SOX5: variants seen among roughly 807,000 people sequenced by gnomAD.
The protein encoded by SOX5 is SRY-box transcription factor 5.
SOX5 carries 9 observed loss-of-function variants against 92.0 expected under a neutral mutation model. The observed-to-expected ratio is 0.10, with a 90% CI of 0.06 to 0.17. The LOEUF (loss-of-function observed/expected upper bound fraction) is 0.17. Ranked by LOEUF, SOX5 falls within the 10% of genes least tolerant of loss-of-function variation. The pLI, the probability that SOX5 is intolerant of heterozygous loss-of-function variation, is 1.00. For synonymous variants in SOX5, 344 were observed against 336.3 expected (o/e 1.02, Z -0.25); for missense variants, 642 against 944.5 (o/e 0.68, Z 4.20).
chr12:24,446,128 A>G (rs1941433344), intron 1 of SOX5, among the ~76,000 whole-genome samples: 1 of 152,236 alleles, frequency 6.6e-6, no homozygotes, highest in African/African-American at 2.4e-5. Context: ...AGACACAGCT[A>G]TGAACAAGAG....
intron 4 of SOX5, among the ~76,000 whole-genome samples, chr12:24,181,700 G>C (rs1955515446): frequency 6.6e-6 from 1 of 152,074 alleles, no homozygotes; most frequent in African/African-American, 2.4e-5. Context: ...TATTGTTATT[G>C]TTGTTTTTCT....
rs530379979 is a variant in SOX5, at chr12:24,071,954, T to G, written c.-2+141389A>C. Among the ~76,000 whole-genome samples the G allele has an allele frequency of 2.6e-5, 4 of 152,336 alleles. No homozygotes were observed. In the East Asian group the frequency reaches 5.8e-4, roughly 22 times the overall value. On this transcript the variant is annotated intron_variant, in intron 4 of 4. Coordinates refer to the SOX5 transcript ENST00000446891. ...AATCTTAGACATTAGTTGATCCCTT[T>G]TCCTCATTTTAAAGATGAGTAAACC... is the stretch of plus-strand genomic sequence containing the variant.
chr12:24,547,881 C>A lies in SOX5; in HGVS notation c.-251+14448G>T, dbSNP rs1952797211. Among the ~76,000 whole-genome samples the A allele has an allele frequency of 2.6e-5, 4 of 152,162 alleles. No individual in the cohort carries two copies. The South Asian group carries it at 8.3e-4, about 32-fold the overall frequency. On this transcript the variant is annotated intron_variant, in intron 1 of 4. Transcript: ENST00000446891. ...TTTATACAGTGTTCGTATCCCCTGG[C>A]AGAAATGAGACTTAAATTCAAATCT...
intron 1 of SOX5, among the ~76,000 whole-genome samples, chr12:23,916,909 G>A (rs957445779): frequency 1.3e-5 from 2 of 151,980 alleles, no homozygotes; most frequent in Non-Finnish European, 2.9e-5. Context: ...AAAACTAACC[G>A]TTAAAATTTT....
Position 23,742,404 on chromosome 12 carries a change from G to T in SOX5, c.569-1365C>A, listed in dbSNP as rs140982672. Reference sequence around the variant, plus strand: ...TTATTCAAGGCAGGTAGTCAATAATGTGTTGCTAATAATTTATTATATCTC... The same window carrying T: ...TTATTCAAGGCAGGTAGTCAATAATTTGTTGCTAATAATTTATTATATCTC... On this transcript the variant is annotated intron_variant, in intron 4 of 14. Coordinates refer to ENST00000451604, the MANE Select transcript of SOX5 (RefSeq NM_006940.6). 1.6e-3 allele frequency among the ~76,000 whole-genome samples: 242 copies of T among 152,224 alleles called. 1 individual carries two copies. The highest frequency in any genetic ancestry group is 5.5e-3 in the African/African-American group (230 of 41,540).
chr12:24,112,581 A>AATG (rs1947498461), intron 4 of SOX5, among the ~76,000 whole-genome samples: 1 of 138,572 alleles, frequency 7.2e-6, no homozygotes, highest in East Asian at 2.2e-4. Context: ...TCCAGGCTAG[A>AATG]ATGCAGTGGC....
chr12:23,964,566 G>A (rs936220985), intron 4 of SOX5, among the ~76,000 whole-genome samples: 1 of 152,148 alleles, frequency 6.6e-6, no homozygotes, highest in Non-Finnish European at 1.5e-5. Flanking sequence ...TATCGTCCTA[G>A]AGAAGACTGT....
At chr12:24,477,229 G>A (rs1012898918) in intron 1 of SOX5, among the ~76,000 whole-genome samples, 3 of 151,700 alleles carry the variant, frequency 2.0e-5, no homozygotes, top group African/African-American at 7.3e-5. Context: ...CACCTCCTGG[G>A]CTCGAGCGAT....
intron 1 of SOX5, among the ~76,000 whole-genome samples, chr12:24,454,359 A>G (rs1376214467): frequency 2.6e-5 from 4 of 152,238 alleles, no homozygotes; most frequent in African/African-American, 7.2e-5. Flanking sequence ...GAGATCAGAC[A>G]TATCACTTGC....
chr12:24,327,737 C>T (rs561449859), intron 2 of SOX5, among the ~76,000 whole-genome samples: 3 of 152,018 alleles, frequency 2.0e-5, no homozygotes, highest in Non-Finnish European at 4.4e-5. Context: ...GAGCCTGCCA[C>T]CACGCCCGGC....
chr12:23,587,362 C>A (rs1303475407), intron 9 of SOX5, among the ~76,000 whole-genome samples: 2 of 152,040 alleles, frequency 1.3e-5, no homozygotes, highest in Non-Finnish European at 2.9e-5. Flanking sequence ...AACAGTCATA[C>A]CTTAAAGAAG....
At chr12:23,741,067 C>T (rs760274998) in intron 4 of SOX5, 28 bp from the exon 5 acceptor site, 1 of 1,507,864 alleles carries the variant, frequency 6.6e-7, no homozygotes, top group East Asian at 2.4e-5. Flanking sequence ...ATAAAACAGA[C>T]AAAATAAATG....
chr12:24,121,005 G>C (rs929311183), intron 4 of SOX5, among the ~76,000 whole-genome samples: 2 of 152,128 alleles, frequency 1.3e-5, no homozygotes, highest in Non-Finnish European at 2.9e-5. Flanking sequence ...CTTCCGTGGG[G>C]TCTGGCACCA....
intron 4 of SOX5, among the ~76,000 whole-genome samples, chr12:23,992,861 G>C (rs1478705166): frequency 6.6e-6 from 1 of 152,092 alleles, no homozygotes; most frequent in African/African-American, 2.4e-5. Flanking sequence ...TAGCCATAAA[G>C]CATGCATGAC....
intron 1 of SOX5, among the ~76,000 whole-genome samples, chr12:24,381,740 T>C (rs1957851760): frequency 6.6e-6 from 1 of 152,196 alleles, no homozygotes; most frequent in South Asian, 2.1e-4. Context: ...CCACACATAG[T>C]TTTTTGTTCA....
chr12:23,888,376 A>T (rs576319100), intron 2 of SOX5, among the ~76,000 whole-genome samples: 1 of 151,760 alleles, frequency 6.6e-6, no homozygotes, highest in African/African-American at 2.4e-5. Flanking sequence ...GTAGACATTC[A>T]TTAAGTGTCC....
At chr12:23,704,731 C>CACACACACAT (rs368949647) in intron 6 of SOX5, among the ~76,000 whole-genome samples, 8,036 of 130,294 alleles carry the variant, frequency 0.062, 470 homozygotes, top group Non-Finnish European at 0.091. Context: ...CACACACACA[C>CACACACACAT]ATACACACAT....
chr12:23,912,969 T>G (rs887261847), intron 1 of SOX5, among the ~76,000 whole-genome samples: 9 of 152,156 alleles, frequency 5.9e-5, no homozygotes, highest in African/African-American at 9.7e-5. Flanking sequence ...AATTATACAT[T>G]AAGTGGGTAA....
At chr12:24,144,752 C>A (rs1344754029) in intron 4 of SOX5, among the ~76,000 whole-genome samples, 3 of 151,982 alleles carry the variant, frequency 2.0e-5, no homozygotes, top group Admixed American at 2.0e-4. Context: ...TTGCTCGGGC[C>A]CAGGAGTTCA....
Sources: allele counts gnomAD v4.1 joint callset (sites outside exome capture counted in the v4.1 genomes callset), GRCh38; gene constraint gnomAD v4.1.1; transcripts MANE v1.5; gene names NCBI Gene and HGNC (gene_info 2026-07-23, HGNC 2026-07-21).